KCNH8: variants seen among roughly 807,000 people sequenced by gnomAD.
KCNH8 encodes potassium voltage-gated channel subfamily H member 8.
A neutral mutation model predicts 103.6 loss-of-function variants in KCNH8; 70 were observed. That is an observed-to-expected ratio of 0.68 (90% CI 0.56 to 0.82). KCNH8 has a LOEUF of 0.82. KCNH8 is among the 40% of genes least tolerant of loss of function. The pLI is 0.00. For missense variants in KCNH8, 1,217 were observed against 1,329.9 expected, an observed-to-expected ratio of 0.92 and a Z score of 1.32; for synonymous variants, 498 against 489.4, an observed-to-expected ratio of 1.02 and a Z score of -0.23.
At chr3:19,346,484 G>A (rs2065731224) in intron 4 of KCNH8, among the ~76,000 whole-genome samples, 1 of 152,062 alleles carries the variant, frequency 6.6e-6, no homozygotes, top group African/African-American at 2.4e-5. Flanking sequence ...TGTGTGGGTT[G>A]AGTGAGAATA....
At chr3:19,210,046 T>C (rs2125224357) in intron 1 of KCNH8, among the ~76,000 whole-genome samples, 1 of 152,236 alleles carries the variant, frequency 6.6e-6, no homozygotes, top group East Asian at 1.9e-4. Flanking sequence ...TATACTCTTT[T>C]CTGGTCTTCT....
intron 5 of KCNH8, among the ~76,000 whole-genome samples, chr3:19,350,147 T>C (rs2065780610): frequency 6.6e-6 from 1 of 152,126 alleles, no homozygotes; most frequent in Non-Finnish European, 1.5e-5. Context: ...AAAAATGGCT[T>C]AAATTAATAT....
chr3:19,491,802 C>G (rs575072669), intron 11 of KCNH8, among the ~76,000 whole-genome samples: 35 of 152,264 alleles, frequency 2.3e-4, no homozygotes, highest in African/African-American at 7.7e-4. Context: ...TTCCCAGCAA[C>G]AGCTTTTCCT....
intron 3 of KCNH8, among the ~76,000 whole-genome samples, chr3:19,281,875 T>C (rs2064761476): frequency 6.6e-6 from 1 of 152,132 alleles, no homozygotes; most frequent in African/African-American, 2.4e-5. Context: ...CAGTTATCTT[T>C]AAAGGAGTCT....
chr3:19,526,019 T>G (rs553672956), intron 15 of KCNH8, among the ~76,000 whole-genome samples: 12 of 152,074 alleles, frequency 7.9e-5, no homozygotes, highest in Admixed American at 5.2e-4. Context: ...TTATGGAGTT[T>G]GTTTGAACAT....
chr3:19,402,848 C>G (rs528551231), intron 7 of KCNH8, among the ~76,000 whole-genome samples: 1 of 151,986 alleles, frequency 6.6e-6, no homozygotes, highest in Admixed American at 6.6e-5. Flanking sequence ...TTGTTCCGTA[C>G]TTCCTTATAG....
chr3:19,286,148 A>T lies in KCNH8; in HGVS notation c.442+4819A>T, dbSNP rs192236027. Among the ~76,000 whole-genome samples, 3 of 152,304 alleles carry T rather than the reference A, an allele frequency of 2.0e-5. No individual in the cohort carries two copies. In the East Asian group the frequency reaches 5.8e-4, roughly 29 times the overall value. Reference sequence around the variant, plus strand: ...AGTTAGAACAGCTTGGCCTTGACATAAGAGATGAAGGAAAACGAGATCTTT... The same window carrying T: ...AGTTAGAACAGCTTGGCCTTGACATTAGAGATGAAGGAAAACGAGATCTTT... On this transcript the variant is annotated intron_variant, in intron 3 of 15. Transcript: ENST00000328405.
chr3:19,532,888 A>AGTT (rs2069188358), intron 15 of KCNH8, among the ~76,000 whole-genome samples: 1 of 152,096 alleles, frequency 6.6e-6, no homozygotes, highest in Non-Finnish European at 1.5e-5. Flanking sequence ...GCTTGGTTGG[A>AGTT]GTTGGAGCAG....
intron 1 of KCNH8, among the ~76,000 whole-genome samples, chr3:19,227,801 T>G (rs1175738072): frequency 6.6e-6 from 1 of 152,172 alleles, no homozygotes; most frequent in Non-Finnish European, 1.5e-5. Flanking sequence ...AAGTCGGTGG[T>G]CATGATTTGG....
Position 19,492,613 on chromosome 3 carries a change from C to T in KCNH8, c.2041-17750C>T, listed in dbSNP as rs115271840. Among the ~76,000 whole-genome samples, 540 of 152,152 alleles carry T rather than the reference C, an allele frequency of 3.5e-3. 2 individuals carry two copies. Among genetic ancestry groups the T allele is most frequent in the African/African-American group, 0.012 (510 of 41,506 alleles). Reference sequence around the variant, plus strand: ...TTACAAGTCAGGTAGTGTGATGCCTCCAGCTTCATTTTTGTTGTTGTTGTT... The same window carrying T: ...TTACAAGTCAGGTAGTGTGATGCCTTCAGCTTCATTTTTGTTGTTGTTGTT... On this transcript the variant is annotated intron_variant, in intron 11 of 15. Coordinates refer to ENST00000328405, the MANE Select transcript of KCNH8 (RefSeq NM_144633.3).
intron 11 of KCNH8, among the ~76,000 whole-genome samples, chr3:19,469,544 A>C (rs1295288273): frequency 1.3e-5 from 2 of 151,976 alleles, no homozygotes; most frequent in Non-Finnish European, 2.9e-5. Flanking sequence ...GGTTCAAGTG[A>C]TTCTCCTGCC....
At chr3:19,316,821 T>A (rs1374486926) in intron 3 of KCNH8, among the ~76,000 whole-genome samples, 2 of 152,000 alleles carry the variant, frequency 1.3e-5, no homozygotes, top group African/African-American at 2.4e-5. Context: ...TCTGGATAAA[T>A]CAGATTGCCT....
At chr3:19,298,844 C>G (rs1287204747) in intron 3 of KCNH8, among the ~76,000 whole-genome samples, 2 of 150,154 alleles carry the variant, frequency 1.3e-5, no homozygotes, top group African/African-American at 2.5e-5. Flanking sequence ...ATGGCGTGAA[C>G]CCGGGAGGCG....
intron 3 of KCNH8, among the ~76,000 whole-genome samples, chr3:19,309,735 A>G (rs2065185256): frequency 6.6e-6 from 1 of 151,968 alleles, no homozygotes; most frequent in Non-Finnish European, 1.5e-5. Flanking sequence ...ATTTAGATAG[A>G]TACAGCCACA....
intron 3 of KCNH8, among the ~76,000 whole-genome samples, chr3:19,314,196 T>C (rs2065243685): frequency 6.6e-6 from 1 of 151,912 alleles, no homozygotes; most frequent in Non-Finnish European, 1.5e-5. Flanking sequence ...ATAATTTAAG[T>C]TTAGAAAATA....
At chr3:19,330,454 G>A (rs948420189) in intron 3 of KCNH8, among the ~76,000 whole-genome samples, 1 of 152,090 alleles carries the variant, frequency 6.6e-6, no homozygotes, top group Non-Finnish European at 1.5e-5. Context: ...AACTGATTGG[G>A]TTATAAAAAG....
At chr3:19,440,437 C>T (rs1374530479) in intron 8 of KCNH8, among the ~76,000 whole-genome samples, 1 of 152,116 alleles carries the variant, frequency 6.6e-6, no homozygotes, top group Non-Finnish European at 1.5e-5. Flanking sequence ...GCTGGGGAGG[C>T]CTCACAATAG....
chr3:19,491,161 G>C (rs543586554), intron 11 of KCNH8, among the ~76,000 whole-genome samples: 1 of 152,126 alleles, frequency 6.6e-6, no homozygotes, highest in African/African-American at 2.4e-5. Flanking sequence ...ATATATGTGT[G>C]AGTGTGTGTG....
intron 3 of KCNH8, among the ~76,000 whole-genome samples, chr3:19,342,188 G>A (rs1474199911): frequency 1.3e-5 from 2 of 152,068 alleles, no homozygotes; most frequent in African/African-American, 4.8e-5. Context: ...TTACATTTAT[G>A]CAGAGAAAAA....
Sources: gnomAD v4.1 joint callset for allele counts (sites outside exome capture counted in the v4.1 genomes callset) on GRCh38, gnomAD v4.1.1 for gene constraint, MANE v1.5 for transcripts, NCBI Gene and HGNC (gene_info 2026-07-23, HGNC 2026-07-21) for gene names.